Variants in MOB3B observed in about 807,000 individuals in gnomAD.
MOB3B encodes the protein MOB kinase activator 3B.
In MOB3B, 7 loss-of-function variants were observed where a neutral mutation model predicts 18.7. That is an observed-to-expected ratio of 0.37 (90% CI 0.21 to 0.70). The LOEUF (loss-of-function observed/expected upper bound fraction) is 0.70, where lower values mean the gene tolerates loss of function less well. Among genes scored for constraint, MOB3B ranks in the 30% least tolerant of loss-of-function variants. MOB3B has a pLI of 0.52. For missense variants in MOB3B, 253 were observed against 281.3 expected (o/e 0.90, Z 0.72); for synonymous variants, 111 against 99.9 (o/e 1.11, Z -0.66).
At chr9:27,511,542 T>C (rs948448220) in intron 1 of MOB3B, among the ~76,000 whole-genome samples, 3 of 152,190 alleles carry the variant, frequency 2.0e-5, no homozygotes, top group Admixed American at 6.5e-5. Flanking sequence ...AGAAAGCAAA[T>C]GACGGTACCA....
At chr9:27,447,175 A>T (rs1050983543) in intron 2 of MOB3B, among the ~76,000 whole-genome samples, 2 of 152,166 alleles carry the variant, frequency 1.3e-5, no homozygotes, top group African/African-American at 2.4e-5. Flanking sequence ...AAATGACATC[A>T]TATAAGTATC....
intron 2 of MOB3B, chr9:27,378,325 G>C: frequency 2.1e-6 from 1 of 470,776 alleles, no homozygotes; most frequent in Non-Finnish European, 4.4e-6. Flanking sequence ...GCTGCATCTG[G>C]ACATGGGTAA....
chr9:27,335,284 G>A (rs1034274485), intron 3 of MOB3B, among the ~76,000 whole-genome samples: 2 of 152,166 alleles, frequency 1.3e-5, no homozygotes, highest in Admixed American at 6.5e-5. Context: ...GAGGAAACAT[G>A]GGTGTCACCT....
intron 1 of MOB3B, among the ~76,000 whole-genome samples, chr9:27,511,974 C>T (rs1202210351): frequency 6.7e-6 from 1 of 150,118 alleles, no homozygotes; most frequent in Non-Finnish European, 1.5e-5. Flanking sequence ...GACTAAGTTC[C>T]AGCCAATGGA....
intron 1 of MOB3B, among the ~76,000 whole-genome samples, chr9:27,457,416 C>T (rs1819193958): frequency 6.6e-6 from 1 of 152,228 alleles, no homozygotes; most frequent in African/African-American, 2.4e-5. Flanking sequence ...ATCCCACTAA[C>T]TGTTTTTTCC....
chr9:27,384,647 G>A (rs547637454), intron 2 of MOB3B, among the ~76,000 whole-genome samples: 4 of 152,284 alleles, frequency 2.6e-5, no homozygotes, highest in Admixed American at 1.3e-4. Flanking sequence ...GGAGGTGAAC[G>A]TGCTTTAGGA....
chr9:27,420,074 T>A (rs1333542140), intron 2 of MOB3B, among the ~76,000 whole-genome samples: 2 of 152,008 alleles, frequency 1.3e-5, no homozygotes, highest in East Asian at 1.9e-4. Flanking sequence ...TCACTAATGA[T>A]CAGGGAAATG....
chr9:27,379,944 A>C (rs1045302674), intron 2 of MOB3B, among the ~76,000 whole-genome samples: 46 of 152,190 alleles, frequency 3.0e-4, no homozygotes, highest in Admixed American at 2.9e-3. Context: ...TTGTTCGTTA[A>C]AAGTGCTTCC....
chr9:27,428,695 A>G (rs930230664), intron 2 of MOB3B, among the ~76,000 whole-genome samples: 1 of 152,258 alleles, frequency 6.6e-6, no homozygotes, highest in African/African-American at 2.4e-5. Context: ...GGGCATATCT[A>G]AAATGGCTGG....
intron 1 of MOB3B, among the ~76,000 whole-genome samples, chr9:27,457,525 C>G (rs1798313877): frequency 6.6e-6 from 1 of 152,194 alleles, no homozygotes; most frequent in Non-Finnish European, 1.5e-5. Flanking sequence ...CATCCTGATT[C>G]CCCCTTATCA....
chr9:27,354,724 GA>G (rs1374584001), intron 3 of MOB3B, among the ~76,000 whole-genome samples: 6 of 152,162 alleles, frequency 3.9e-5, no homozygotes, highest in African/African-American at 1.4e-4. Flanking sequence ...AGCAATGCAG[GA>G]ATATGTCCTT....
Position 27,440,191 on chromosome 9 carries a change from T to C in MOB3B, c.418+14942A>G, listed in dbSNP as rs1224432024. Among the ~76,000 whole-genome samples, 3 of 152,172 alleles carry C rather than the reference T, an allele frequency of 2.0e-5. No homozygotes were observed. In the East Asian group the frequency reaches 5.8e-4, roughly 29 times the overall value. ...AAATGAGTCTGTCCACAGTGGGCAA[T>C]ACATATCTGCCCATCTGCAGGTTGA... On this transcript the variant is annotated intron_variant, in intron 2 of 3. Coordinates refer to ENST00000262244, the MANE Select transcript of MOB3B (RefSeq NM_024761.5).
intron 3 of MOB3B, among the ~76,000 whole-genome samples, chr9:27,332,953 C>T (rs7854286): frequency 0.078 from 11,873 of 152,190 alleles, 1,578 homozygotes; most frequent in African/African-American, 0.27. Context: ...TATTAATTGA[C>T]ATATATAATT....
In MOB3B at chr9:27,499,190, T is replaced by A. The variant is rs192944865; in HGVS notation, c.-199+30365A>T. Among the ~76,000 whole-genome samples, 92 of 152,332 alleles carry A rather than the reference T, an allele frequency of 6.0e-4. 1 individual carries two copies. Among genetic ancestry groups the A allele is most frequent in the Non-Finnish European group, 7.4e-5 (5 of 68,024 alleles). ...ACAATTTAAATATTGACAATTATAT[T>A]TATTTTTGCATCTCAGAGCCACTGC... is the stretch of plus-strand genomic sequence containing the variant. On this transcript the variant is annotated intron_variant, in intron 1 of 3. Coordinates refer to ENST00000262244, the MANE Select transcript of MOB3B (RefSeq NM_024761.5).
intron 2 of MOB3B, among the ~76,000 whole-genome samples, chr9:27,393,392 T>A (rs1316235199): frequency 3.9e-5 from 6 of 151,926 alleles, no homozygotes; most frequent in African/African-American, 1.5e-4. Context: ...TGTGTGTGTG[T>A]GTGTGTAACA....
intron 2 of MOB3B, among the ~76,000 whole-genome samples, chr9:27,419,851 AG>A (rs1235654798): frequency 6.6e-6 from 1 of 152,238 alleles, no homozygotes; most frequent in East Asian, 1.9e-4. Context: ...AGGAACAGTC[AG>A]CAGAGTAAAT....
intron 1 of MOB3B, among the ~76,000 whole-genome samples, chr9:27,505,202 A>C (rs72725292): frequency 6.0e-4 from 91 of 152,214 alleles, no homozygotes; most frequent in Non-Finnish European, 1.1e-3. Context: ...TTTGCAAATG[A>C]CTGGTGTTCT....
At chr9:27,494,364 G>GA (rs1819867416) in intron 1 of MOB3B, among the ~76,000 whole-genome samples, 1 of 152,098 alleles carries the variant, frequency 6.6e-6, no homozygotes, top group African/African-American at 2.4e-5. Flanking sequence ...CTCCCCTTTT[G>GA]AAAATCCCTA....
rs1204646188 is a variant in MOB3B at position 27,524,390 on chromosome 9, G to A, written c.-199+5165C>T. On this transcript the variant is annotated intron_variant, in intron 1 of 3. Transcript: ENST00000262244. ...AGTGTTTGTGGCTTGAGATCCTTAT[G>A]GGTATATTCATTGCTGGCACCCTAT... 3.7e-6 allele frequency: 6 copies of A among 1,613,666 alleles called. No individual in the cohort carries two copies. In the African/African-American group the frequency reaches 5.3e-5, roughly 14 times the overall value.
Sources: allele counts gnomAD v4.1 joint callset (sites outside exome capture counted in the v4.1 genomes callset), GRCh38; gene constraint gnomAD v4.1.1; transcripts MANE v1.5; gene names NCBI Gene and HGNC (gene_info 2026-07-23, HGNC 2026-07-21).